ANKRD50: variants seen among roughly 807,000 people sequenced by gnomAD.
ANKRD50 encodes the protein ankyrin repeat domain 50.
ANKRD50 carries 40 observed loss-of-function variants against 112.0 expected under a neutral mutation model. The observed-to-expected ratio is 0.36, with a 90% CI of 0.28 to 0.46. The LOEUF is 0.46. Among genes scored for constraint, ANKRD50 ranks in the 20% least tolerant of loss-of-function variants. The pLI is 1.00. For synonymous variants in ANKRD50, 613 were observed against 619.1 expected, an observed-to-expected ratio of 0.99 and a Z score of 0.15; for missense variants, 1,487 against 1,701.7, an observed-to-expected ratio of 0.87 and a Z score of 2.22.
chr4:124,682,417 A>C lies in ANKRD50; in HGVS notation c.513-3512T>G, dbSNP rs144508871. ...TTGACAATTAGGTTGATTCGGTAAC[A>C]GTATTGTCCAAGGGTCCTACGTACT... On this transcript the variant is annotated intron_variant, in intron 2 of 4. Transcript: ENST00000504087. Among the ~76,000 whole-genome samples the C allele has an allele frequency of 9.9e-4, 151 of 151,848 alleles. 1 individual carries two copies. In the East Asian group the frequency reaches 0.019, roughly 19 times the overall value.
Position 124,674,265 on chromosome 4 carries a change from A to G in ANKRD50, c.743-1731T>C, listed in dbSNP as rs1730722655. On this transcript the variant is annotated intron_variant, in intron 3 of 4. Coordinates refer to ENST00000504087, the MANE Select transcript of ANKRD50 (RefSeq NM_020337.3). ...TTAATGTAAGACTTTATATTACACT[A>G]CTTGATTTACATGAAAGATAATACA... Among the ~76,000 whole-genome samples the G allele has an allele frequency of 1.3e-5, 2 of 151,974 alleles. 1 individual carries two copies. The highest frequency in any genetic ancestry group is 4.1e-4 in the South Asian group (2 of 4,830).
intron 2 of ANKRD50, among the ~76,000 whole-genome samples, chr4:124,681,915 T>C (rs910698245): frequency 6.6e-6 from 1 of 152,222 alleles, no homozygotes; most frequent in Non-Finnish European, 1.5e-5. Flanking sequence ...ATTGAGAATG[T>C]CCCAGTTATC....
chr4:124,698,476 G>A (rs1725306373), intron 2 of ANKRD50, among the ~76,000 whole-genome samples: 1 of 151,954 alleles, frequency 6.6e-6, no homozygotes, highest in Non-Finnish European at 1.5e-5. Flanking sequence ...GTTGGGAGGT[G>A]GGCAGGGAGA....
intron 3 of ANKRD50, 143 bp downstream of exon 3, chr4:124,678,533 A>G (rs1031452568): frequency 1.4e-6 from 1 of 715,128 alleles, no homozygotes; most frequent in Admixed American, 3.1e-5. Flanking sequence ...GCTTTTTTAT[A>G]TAAATTTCAA....
In ANKRD50 at chr4:124,668,965, T is replaced by C. The variant is rs1439196461; in HGVS notation, c.*3+19A>G. On this transcript the variant is annotated intron_variant, in intron 4 of 4. Coordinates refer to ENST00000504087, the MANE Select transcript of ANKRD50 (RefSeq NM_020337.3). ...AACTCTACTTTTGTTTTTTACTCTTTATGTTGACAAAATATTACCTTTTAT... is the reference window on the plus strand; with the variant it reads ...AACTCTACTTTTGTTTTTTACTCTTCATGTTGACAAAATATTACCTTTTAT... 1.3e-6 allele frequency: 2 copies of C among 1,585,788 alleles called. No homozygotes were observed. The highest frequency in any genetic ancestry group is 1.7e-6 in the Non-Finnish European group (2 of 1,172,256).
In ANKRD50 at chr4:124,688,697, T is replaced by G. The variant is rs139484128; in HGVS notation, c.513-9792A>C. On this transcript the variant is annotated intron_variant, in intron 2 of 4. Transcript: ENST00000504087. ...TTTCCAGTTGGTATTCTGAGGTTCT[T>G]CTGAACAGACCAATGCTCTTAGATC... Among the ~76,000 whole-genome samples the G allele has an allele frequency of 4.3e-3, 650 of 152,258 alleles. 6 individuals carry two copies. Among genetic ancestry groups the G allele is most frequent in the African/African-American group, 0.015 (626 of 41,552 alleles).
In ANKRD50 at chr4:124,670,699, T is replaced by C. The variant is rs1329026089; in HGVS notation, c.2578A>G (p.Arg860Gly). ...TCAATAAGTGCTTCACATATCAATCTGTGCCCTTCAAAAGCTGCCATGTGC... is the reference window on the plus strand; with the variant it reads ...TCAATAAGTGCTTCACATATCAATCCGTGCCCTTCAAAAGCTGCCATGTGC... ...PLHMAAFEGH[R>G]LICEALIEQG... The change falls in exon 4 of 5, where the codon AGA becomes GGA. Residue 860 changes from arginine (R) to glycine (G), a missense_variant. By Grantham distance (125) the Arg-to-Gly change is moderately radical. Around this residue, in one of 2 missense-constraint regions of ANKRD50, gnomAD observed 1,046 missense variants for 1,269.5 expected, o/e 0.82. Transcript: ENST00000504087. 1 of 1,613,312 alleles carries C rather than the reference T, an allele frequency of 6.2e-7. No individual in the cohort carries two copies. Among genetic ancestry groups the C allele is most frequent in the Middle Eastern group, 1.7e-4 (1 of 6,046 alleles).
chr4:124,686,754 C>G (rs1201291772), intron 2 of ANKRD50, among the ~76,000 whole-genome samples: 1 of 152,082 alleles, frequency 6.6e-6, no homozygotes, highest in African/African-American at 2.4e-5. Flanking sequence ...AATTTGAGAG[C>G]TGAAGGTAGA....
chr4:124,687,628 A>T (rs553691881), intron 2 of ANKRD50, among the ~76,000 whole-genome samples: 53 of 152,346 alleles, frequency 3.5e-4, no homozygotes, highest in Non-Finnish European at 5.9e-4. Flanking sequence ...CAAATTTCTG[A>T]CTAAGGCTCA....
intron 2 of ANKRD50, among the ~76,000 whole-genome samples, chr4:124,686,160 G>A (rs1725003430): frequency 6.6e-6 from 1 of 152,068 alleles, no homozygotes. Flanking sequence ...TAAATTATAA[G>A]GAATATACTA....
chr4:124,664,246 G>GGC lies in ANKRD50; in HGVS notation c.*3271_*3272insGC, dbSNP rs1553965953. The GGC allele has an allele frequency of 4.9e-5, 5 of 101,624 alleles. No homozygotes were observed. The highest frequency in any genetic ancestry group is 9.7e-5 in the Admixed American group (1 of 10,282). 6.3% of individuals were successfully genotyped at this position (101,624 alleles called of 1,614,324 possible). A position where few individuals can be genotyped will look rare whatever the true frequency, so the allele number is the denominator to read the frequency against. ...TGTGATATAGTATATAATCAGTCAC[G>GGC]GGGGGGAAAAGAACATTAAGTCTTT... On this transcript the variant is annotated 3_prime_UTR_variant, in exon 5 of 5. Coordinates refer to ENST00000504087, the MANE Select transcript of ANKRD50 (RefSeq NM_020337.3).
chr4:124,669,603 C>T lies in ANKRD50; in HGVS notation c.3674G>A (p.Arg1225His), dbSNP rs373610764. Residue 1225 changes from arginine (R) to histidine (H), a missense_variant, in exon 4 of 5, where the codon CGC (arginine) becomes CAC (histidine). Physicochemically the swap from Arg to His is conservative, Grantham distance 29 (BLOSUM62 0). Coordinates refer to ENST00000504087, the MANE Select transcript of ANKRD50 (RefSeq NM_020337.3). Reference sequence around the variant, plus strand: ...AACAATTGACTGTCGACTTCTACTGCGTGGCAATGAATGCTGCTGAATTTG... The same window carrying T: ...AACAATTGACTGTCGACTTCTACTGTGTGGCAATGAATGCTGCTGAATTTG... ...TEQIQQHSLP[R>H]SRSRQSIVSP... 13 of 1,613,544 alleles carry T rather than the reference C, an allele frequency of 8.1e-6. No homozygotes were observed. The highest frequency in any genetic ancestry group is 1.7e-4 in the Middle Eastern group (1 of 6,056).
Position 124,669,433 on chromosome 4 carries a change from C to A in ANKRD50, c.3844G>T (p.Ala1282Ser). The A allele has an allele frequency of 6.2e-7, 1 of 1,612,540 alleles. No homozygotes were observed. Among genetic ancestry groups the A allele is most frequent in the Non-Finnish European group, 8.5e-7 (1 of 1,179,594 alleles). ...TTACTTTGTTTCGCTTTTTTCCCAG[C>A]TGATCCAGACTTGGCAGAATTTTCT... Reference protein sequence around the residue: ...KSENSAKSGSAGKKAKQSNSS... With the variant: ...KSENSAKSGSSGKKAKQSNSS... Residue 1282 changes from alanine (A) to serine (S), a missense_variant, in exon 4 of 5, where the codon GCT becomes TCT. Ala to Ser is a moderately conservative substitution (Grantham distance 99, BLOSUM62 1). This residue lies in a region of ANKRD50 where 441 missense variants were observed against 432.2 expected (regional missense o/e 1.02). Coordinates refer to ENST00000504087, the MANE Select transcript of ANKRD50 (RefSeq NM_020337.3).
At chr4:124,676,382 G>A (rs1730775544) in intron 3 of ANKRD50, among the ~76,000 whole-genome samples, 1 of 151,510 alleles carries the variant, frequency 6.6e-6, no homozygotes, top group Admixed American at 6.6e-5. Context: ...AAGAGGGCTG[G>A]GAAGTAATTG....
Position 124,672,252 on chromosome 4 carries a change from A to C in ANKRD50, c.1025T>G (p.Phe342Cys), listed in dbSNP as rs745782592. 8.1e-6 allele frequency: 13 copies of C among 1,613,706 alleles called. No homozygotes were observed. The highest frequency in any genetic ancestry group is 1.1e-5 in the Non-Finnish European group (13 of 1,179,858). ...AACCTTTGCAAATTGTTTTCTTACA[A>C]AAAGTCTTTGGCACAGCCAGAGATA... is the stretch of plus-strand genomic sequence containing the variant. ...GLYLWLCQRL[F>C]VRKQFAKVQP... Residue 342 changes from phenylalanine to cysteine, a missense_variant, in exon 4 of 5, where the codon TTT (phenylalanine) becomes TGT (cysteine). Around this residue, in one of 2 missense-constraint regions of ANKRD50, gnomAD observed 1,046 missense variants for 1,269.5 expected, o/e 0.82. Coordinates refer to ENST00000504087, the MANE Select transcript of ANKRD50 (RefSeq NM_020337.3).
At chr4:124,706,707 T>C (rs1363482502) in intron 2 of ANKRD50, among the ~76,000 whole-genome samples, 1 of 152,084 alleles carries the variant, frequency 6.6e-6, no homozygotes, top group African/African-American at 2.4e-5. Context: ...GATTACACCC[T>C]GATAAATCCA....
rs1165155182 is a variant in ANKRD50 at position 124,672,248 on chromosome 4, T to A, written c.1029A>T (p.Val343=). The A allele has an allele frequency of 6.2e-7, 1 of 1,613,708 alleles. No homozygotes were observed. Among genetic ancestry groups the A allele is most frequent in the Non-Finnish European group, 8.5e-7 (1 of 1,179,858 alleles). ...GCTGAACCTTTGCAAATTGTTTTCT[T>A]ACAAAAAGTCTTTGGCACAGCCAGA... ...LYLWLCQRLF[V]RKQFAKVQPI... The change falls in exon 4 of 5, where the codon GTA becomes GTT. Residue 343 remains valine (V), a synonymous_variant. Transcript: ENST00000504087.
intron 2 of ANKRD50, among the ~76,000 whole-genome samples, chr4:124,687,890 T>C (rs376371293): frequency 3.9e-5 from 6 of 152,224 alleles, no homozygotes; most frequent in East Asian, 1.9e-4. Flanking sequence ...AGCAATGGCA[T>C]AGCCATTTCC....
chr4:124,688,738 A>C (rs1362481940), intron 2 of ANKRD50, among the ~76,000 whole-genome samples: 1 of 152,144 alleles, frequency 6.6e-6, no homozygotes, highest in Non-Finnish European at 1.5e-5. Flanking sequence ...ATTAACACTG[A>C]AGTCAGCGAA....
Sources: allele counts gnomAD v4.1 joint callset (sites outside exome capture counted in the v4.1 genomes callset), GRCh38; gene constraint gnomAD v4.1.1; regional missense constraint gnomAD v4.1.1; transcripts MANE v1.5; gene names NCBI Gene and HGNC (gene_info 2026-07-23, HGNC 2026-07-21).